The following C4orf50 variants were observed in gnomAD, a reference collection of about 807,000 sequenced individuals.
The protein encoded by C4orf50 is chromosome 4 open reading frame 50, also known as uncharacterized protein C4orf50.
Under a neutral mutation model 77.2 loss-of-function variants are expected in C4orf50, and 80 were observed. The ratio of observed to expected loss-of-function variants is 1.04; its 90% confidence interval spans 0.87 to 1.25. The LOEUF (loss-of-function observed/expected upper bound fraction) is 1.25, where lower values mean the gene tolerates loss of function less well. C4orf50 is among the 50% of genes most tolerant of loss of function. The pLI is 0.00. For synonymous variants in C4orf50, 532 were observed against 465.3 expected (o/e 1.14, Z -1.84); for missense variants, 1,257 against 1,152.9 (o/e 1.09, Z -1.31).
Position 6,017,534 on chromosome 4 carries a change from T to C in C4orf50, c.287+611A>G, listed in dbSNP as rs1429469393. Among the ~76,000 whole-genome samples, 1 of 152,186 alleles carries C rather than the reference T, an allele frequency of 6.6e-6. No individual in the cohort carries two copies. The highest frequency in any genetic ancestry group is 6.5e-5 in the Admixed American group (1 of 15,276). ...TAGAAACACCTATTCATTGTGAGTT[T>C]CCTCCAAAACAACCCTTGTCATTGC... On this transcript the variant is annotated intron_variant, in intron 23 of 33. Coordinates refer to ENST00000531445, the Ensembl canonical transcript of C4orf50. The surrounding 1 kb of genome is among the most constrained non-coding windows in gnomAD (Gnocchi z 4.7).
intron 7 of C4orf50, chr4:5,899,026 C>A (rs1456589937): frequency 6.6e-6 from 1 of 152,206 alleles, no homozygotes; most frequent in Non-Finnish European, 1.5e-5. Flanking sequence ...ATCCTTCAAT[C>A]CCAAGTCTAC....
In C4orf50 at chr4:5,916,236, G is replaced by A. The variant is rs536864424; in HGVS notation, c.*2475-18048C>T. On this transcript the variant is annotated intron_variant, in intron 7 of 7. Transcript: ENST00000324058. The surrounding 1 kb of genome is among the most constrained non-coding windows in gnomAD (Gnocchi z 4.4). ...GGGAACAGACGCACCAACAGCTCCT[G>A]GTTACTCTGGGGGGCCCATGCACAG... is the stretch of plus-strand genomic sequence containing the variant. Among the ~76,000 whole-genome samples the A allele has an allele frequency of 7.2e-5, 11 of 152,330 alleles. No homozygotes were observed. The East Asian group carries it at 1.9e-3, about 27-fold the overall frequency.
At chr4:5,912,124 A>AT (rs1468094737) in intron 7 of C4orf50, among the ~76,000 whole-genome samples, 1 of 152,122 alleles carries the variant, frequency 6.6e-6, no homozygotes, top group East Asian at 1.9e-4. Context: ...GATTTTCGGC[A>AT]TTTTTTAATT....
intron 31 of C4orf50, among the ~76,000 whole-genome samples, chr4:5,969,433 C>G (rs1252302669): frequency 7.0e-6 from 1 of 142,332 alleles, no homozygotes; most frequent in African/African-American, 2.8e-5. Flanking sequence ...TGACAAATAC[C>G]CAGAGGAAAG....
chr4:5,911,695 G>T (rs1419266090), intron 7 of C4orf50, among the ~76,000 whole-genome samples: 5 of 152,232 alleles, frequency 3.3e-5, no homozygotes, highest in Non-Finnish European at 7.3e-5. Flanking sequence ...GAGAACCACA[G>T]TGGTGAGCTA....
intron 29 of C4orf50, 68 bp from the exon 8 acceptor site, chr4:5,976,023 C>T (rs1720260678): frequency 1.5e-6 from 2 of 1,338,354 alleles, no homozygotes; most frequent in South Asian, 2.4e-5. Flanking sequence ...CTTCCCCAGG[C>T]AAGCTGGGCT....
chr4:6,006,715 A>C (rs985759280), intron 25 of C4orf50, among the ~76,000 whole-genome samples: 4 of 152,180 alleles, frequency 2.6e-5, no homozygotes, highest in Admixed American at 2.0e-4. Flanking sequence ...AGCTTGCCCA[A>C]GGTCACACAG....
intron 7 of C4orf50, among the ~76,000 whole-genome samples, chr4:5,921,065 T>G (rs1284411510): frequency 6.6e-6 from 1 of 152,204 alleles, no homozygotes; most frequent in African/African-American, 2.4e-5. Flanking sequence ...CCTGAGACCT[T>G]GATACCTGAG....
intron 28 of C4orf50, among the ~76,000 whole-genome samples, chr4:5,984,184 C>T (rs552625076): frequency 2.0e-5 from 3 of 152,346 alleles, no homozygotes; most frequent in Admixed American, 2.0e-4. Flanking sequence ...ATCTGCTGAT[C>T]ACGCAACTAT....
chr4:5,934,265 A>C (rs976511447), intron 7 of C4orf50, among the ~76,000 whole-genome samples: 2 of 152,052 alleles, frequency 1.3e-5, no homozygotes, highest in Non-Finnish European at 2.9e-5. Flanking sequence ...CTCCACGACC[A>C]CCCACACACA....
chr4:5,924,386 T>C (rs1717418210), intron 7 of C4orf50, among the ~76,000 whole-genome samples: 1 of 152,066 alleles, frequency 6.6e-6, no homozygotes, highest in Non-Finnish European at 1.5e-5. Context: ...TCCTGGACCC[T>C]CCCCACATCC....
intron 7 of C4orf50, among the ~76,000 whole-genome samples, chr4:5,907,790 G>A (rs1057463402): frequency 1.3e-5 from 2 of 152,134 alleles, no homozygotes; most frequent in African/African-American, 4.8e-5. Context: ...CAGGGGTCTT[G>A]GGCATAAAAG....
chr4:6,003,482 A>ATGGTGATGGTGATGT (rs1380400353), intron 25 of C4orf50, among the ~76,000 whole-genome samples: 2 of 144,970 alleles, frequency 1.4e-5, no homozygotes, highest in Non-Finnish European at 3.1e-5. Context: ...GATGGTGGTC[A>ATGGTGATGGTGATGT]TGGTGATGGT....
Position 5,988,849 on chromosome 4 carries a change from CT to C in C4orf50, c.3196del (p.Ser1066ValfsTer5), listed in dbSNP as rs1248006715. On this transcript the variant is annotated frameshift_variant, in exon 28 of 34. Transcript: ENST00000531445. LOFTEE classifies it high-confidence loss of function. ...GATATCCTTTATCAGCTCTTTATAA[CT>C]GACGCCAAGCTCCGAGATCAGTGTC... 18 of 1,535,980 alleles carry C rather than the reference CT, an allele frequency of 1.2e-5. No individual in the cohort carries two copies. The highest frequency in any genetic ancestry group is 1.5e-5 in the Non-Finnish European group (17 of 1,146,900).
At chr4:5,966,836 G>C (rs1719600122) in intron 32 of C4orf50, among the ~76,000 whole-genome samples, 1 of 152,052 alleles carries the variant, frequency 6.6e-6, no homozygotes, top group Non-Finnish European at 1.5e-5. Context: ...TTTTAGTAGA[G>C]ATGGGGTTTC....
intron 25 of C4orf50, among the ~76,000 whole-genome samples, chr4:6,006,553 A>G (rs952421125): frequency 4.6e-5 from 7 of 152,222 alleles, no homozygotes; most frequent in Non-Finnish European, 1.0e-4. Context: ...TGCGAATATC[A>G]CCTGCCTTCA....
rs1484326776 is a variant in C4orf50, at chr4:5,932,602, A to C, written c.*2474+24299T>G. On this transcript the variant is annotated intron_variant, in intron 7 of 7. Transcript: ENST00000324058. The surrounding 1 kb of genome is among the most constrained non-coding windows in gnomAD (Gnocchi z 4.2). ...AGGTGCATGCAACCACGCCCAGCTAATTTTTATTTTTTAATTTTTTATAGA... is the reference window on the plus strand; with the variant it reads ...AGGTGCATGCAACCACGCCCAGCTACTTTTTATTTTTTAATTTTTTATAGA... 6.6e-6 allele frequency among the ~76,000 whole-genome samples: 1 copy of C among 152,026 alleles called. No homozygotes were observed. Among genetic ancestry groups the C allele is most frequent in the Non-Finnish European group, 1.5e-5 (1 of 68,002 alleles).
At chr4:6,014,793 G>C (rs184972719) in intron 23 of C4orf50, among the ~76,000 whole-genome samples, 1 of 152,338 alleles carries the variant, frequency 6.6e-6, no homozygotes, top group East Asian at 1.9e-4. Flanking sequence ...GCCCAGCCCT[G>C]TGCCAGCTCC....
At chr4:5,965,512 T>C (rs1719515626) in intron 32 of C4orf50, among the ~76,000 whole-genome samples, 1 of 152,170 alleles carries the variant, frequency 6.6e-6, no homozygotes, top group South Asian at 2.1e-4. Context: ...TCCAGAAATG[T>C]CCAACAAAAA....
Sources: allele counts gnomAD v4.1 joint callset (sites outside exome capture counted in the v4.1 genomes callset), GRCh38; gene constraint gnomAD v4.1.1; non-coding constraint Gnocchi (gnomAD v3.1); transcripts MANE v1.5; gene names NCBI Gene and HGNC (gene_info 2026-07-23, HGNC 2026-07-21).